USP48: variants seen among roughly 807,000 people sequenced by gnomAD.
USP48 encodes the protein ubiquitin specific peptidase 48.
A neutral mutation model predicts 150.7 loss-of-function variants in USP48; 43 were observed. The observed-to-expected ratio is 0.29, with a 90% CI of 0.22 to 0.37. USP48 has a LOEUF of 0.37. Among genes scored for constraint, USP48 ranks in the 10% least tolerant of loss-of-function variants. USP48 has a pLI of 1.00. For synonymous variants in USP48, 396 were observed against 425.9 expected (o/e 0.93, Z 0.86); for missense variants, 813 against 1,249.6 (o/e 0.65, Z 5.27).
At position 21,704,303 on chromosome 1, in the gene USP48, C is replaced by T. The variant is rs2152518515; in HGVS notation, c.2474G>A (p.Gly825Glu). Residue 825 changes from glycine to glutamate, a missense_variant, in exon 20 of 27, where the codon GGA becomes GAA. Physicochemically the swap from Gly to Glu is moderately conservative, Grantham distance 98 (BLOSUM62 -2). Coordinates refer to ENST00000308271, the MANE Select transcript of USP48 (RefSeq NM_032236.8). ...CTGTGTTTCTGAAGGGTTTACATCT[C>T]CCACTTCAATTCTCGTGATTTTAAT... ...HVIKITRIEV[G>E]DVNPSETQYI... The T allele has an allele frequency of 6.2e-7, 1 of 1,613,802 alleles. No individual in the cohort carries two copies. The highest frequency in any genetic ancestry group is 1.1e-5 in the South Asian group (1 of 90,972).
At chr1:21,734,789 T>C (rs571254380) in intron 9 of USP48, among the ~76,000 whole-genome samples, 1 of 152,334 alleles carries the variant, frequency 6.6e-6, no homozygotes, top group South Asian at 2.1e-4. Context: ...CCTATACCTG[T>C]CTGACAGACA....
intron 23 of USP48, among the ~76,000 whole-genome samples, chr1:21,691,583 C>T (rs183898239): frequency 2.6e-5 from 4 of 152,176 alleles, no homozygotes; most frequent in African/African-American, 2.4e-5. Context: ...TGCAGTAAGC[C>T]GAGATTGCGC....
chr1:21,735,775 C>A lies in USP48; in HGVS notation c.1171+671G>T, dbSNP rs564306786. Among the ~76,000 whole-genome samples the A allele has an allele frequency of 8.6e-4, 130 of 151,980 alleles. 1 individual carries two copies. Among genetic ancestry groups the A allele is most frequent in the Non-Finnish European group, 1.7e-3 (113 of 68,006 alleles). On this transcript the variant is annotated intron_variant, in intron 9 of 26. Coordinates refer to ENST00000308271, the MANE Select transcript of USP48 (RefSeq NM_032236.8). ...TGGTGACACATGCCTGTAATCCCAG[C>A]TACTTGGGAGGCTGAGGCAGGAGAA...
intron 15 of USP48, among the ~76,000 whole-genome samples, chr1:21,711,003 C>A (rs1458972328): frequency 6.6e-6 from 1 of 151,806 alleles, no homozygotes; most frequent in Non-Finnish European, 1.5e-5. Flanking sequence ...GAGGTGGGGT[C>A]TCACTATGTT....
intron 9 of USP48, 99 bp downstream of exon 9, chr1:21,736,347 C>A: frequency 1.7e-6 from 2 of 1,206,116 alleles, no homozygotes; most frequent in Non-Finnish European, 2.3e-6. Flanking sequence ...CCTTGATAGT[C>A]TGTAACATAA....
intron 9 of USP48, among the ~76,000 whole-genome samples, chr1:21,735,823 GTT>G (rs1261707964): frequency 6.7e-6 from 1 of 149,702 alleles, no homozygotes; most frequent in East Asian, 2.0e-4. Context: ...GAAAGGTAGA[GTT>G]TACAGTGAGC....
chr1:21,756,469 A>C, intron 3 of USP48, 77 bp downstream of exon 3: 3 of 1,422,924 alleles, frequency 2.1e-6, no homozygotes, highest in Non-Finnish European at 1.9e-6. Context: ...AAACAGAGGA[A>C]GACTCAAAAA....
chr1:21,768,680 C>G (rs1208595298), intron 1 of USP48: 3 of 151,546 alleles, frequency 2.0e-5, no homozygotes, highest in Middle Eastern at 3.2e-3. Flanking sequence ...CCCCACCCCC[C>G]CTTTCCTTCT....
intron 23 of USP48, among the ~76,000 whole-genome samples, chr1:21,692,864 C>A (rs1010377205): frequency 6.6e-6 from 1 of 152,058 alleles, no homozygotes; most frequent in Admixed American, 6.6e-5. Context: ...ATGGAACAGG[C>A]CAACCAAGGC....
chr1:21,772,844 T>A (rs2097885513), intron 1 of USP48, among the ~76,000 whole-genome samples: 1 of 143,744 alleles, frequency 7.0e-6, no homozygotes, highest in South Asian at 2.2e-4. Context: ...ATAGCTCGAA[T>A]CTGGGAGGCA....
chr1:21,729,376 A>G (rs996192215), intron 10 of USP48, among the ~76,000 whole-genome samples: 1 of 152,194 alleles, frequency 6.6e-6, no homozygotes, highest in African/African-American at 2.4e-5. Context: ...CAGGGCAGCA[A>G]CAACTCTACC....
At chr1:21,721,794 T>C in intron 12 of USP48, 30 bp from the exon 13 acceptor site, 1 of 1,432,416 alleles carries the variant, frequency 7.0e-7, no homozygotes, top group Middle Eastern at 1.8e-4. Flanking sequence ...AAAGGAAATA[T>C]ATTTCATTCA....
intron 14 of USP48, among the ~76,000 whole-genome samples, chr1:21,719,930 T>C (rs905278185): frequency 3.9e-5 from 6 of 152,008 alleles, no homozygotes; most frequent in African/African-American, 1.4e-4. Flanking sequence ...TAAAAAATAA[T>C]GATACAAATG....
At chr1:21,679,842 CG>C (rs2097560754) in intron 26 of USP48, among the ~76,000 whole-genome samples, 1 of 152,080 alleles carries the variant, frequency 6.6e-6, no homozygotes, top group African/African-American at 2.4e-5. Context: ...TACAGGCGCA[CG>C]CCACCATGCC....
chr1:21,707,035 T>C, intron 15 of USP48, 167 bp from the exon 16 acceptor site: 1 of 829,140 alleles, frequency 1.2e-6, no homozygotes, highest in South Asian at 2.1e-5. Flanking sequence ...CTTCTGAATT[T>C]CCGATTTCAT....
At chr1:21,769,945 A>T (rs980563990) in intron 1 of USP48, among the ~76,000 whole-genome samples, 4 of 152,164 alleles carry the variant, frequency 2.6e-5, no homozygotes, top group African/African-American at 9.7e-5. Flanking sequence ...CTTTATTCAT[A>T]ATGACCAAAT....
intron 23 of USP48, 127 bp downstream of exon 23, chr1:21,694,938 AT>A: frequency 9.2e-7 from 1 of 1,084,432 alleles, no homozygotes. Context: ...ATTTTTGGCT[AT>A]TTTGAAAACT....
intron 15 of USP48, among the ~76,000 whole-genome samples, chr1:21,707,137 G>A (rs956437177): frequency 1.3e-5 from 2 of 151,996 alleles, no homozygotes; most frequent in Non-Finnish European, 2.9e-5. Context: ...AAAAACAAAC[G>A]TACAAAGCTA....
Position 21,756,631 on chromosome 1 carries a change from G to A in USP48, c.327C>T (p.Leu109=). The A allele has an allele frequency of 6.2e-7, 1 of 1,612,326 alleles. No individual in the cohort carries two copies. Among genetic ancestry groups the A allele is most frequent in the Non-Finnish European group, 8.5e-7 (1 of 1,179,504 alleles). ...AGAGTGCCTGCCGAAGCTCCAAGTT[G>A]AGAAACCACACTTGAAGAAATGTGT... ...YVNTFLQVWF[L]NLELRQALYL... Residue 109 remains leucine, a synonymous_variant, in exon 3 of 27, where the codon CTC becomes CTT. Coordinates refer to ENST00000308271, the MANE Select transcript of USP48 (RefSeq NM_032236.8).
Sources: allele counts gnomAD v4.1 joint callset (sites outside exome capture counted in the v4.1 genomes callset), GRCh38; gene constraint gnomAD v4.1.1; transcripts MANE v1.5; gene names NCBI Gene and HGNC (gene_info 2026-07-23, HGNC 2026-07-21).